The following RPL3 variants were observed in gnomAD, a reference collection of about 807,000 sequenced individuals.
RPL3 encodes large ribosomal subunit protein uL3.
A neutral mutation model predicts 46.0 loss-of-function variants in RPL3; 3 were observed. The ratio of observed to expected loss-of-function variants is 0.07; its 90% CI spans 0.03 to 0.17. The LOEUF (loss-of-function observed/expected upper bound fraction) is 0.17. Ranked by LOEUF, RPL3 falls within the 10% of genes least tolerant of loss-of-function variation. RPL3 has a pLI of 1.00. For synonymous variants in RPL3, 224 were observed against 190.8 expected (o/e 1.17, Z -1.43); for missense variants, 387 against 532.7 (o/e 0.73, Z 2.69).
intron 2 of RPL3, 86 bp downstream of exon 2, chr22:39,318,314 C>A: frequency 6.9e-7 from 1 of 1,444,632 alleles, no homozygotes; most frequent in South Asian, 1.3e-5. Context: ...AAAAAGTCTG[C>A]CCTCTGCTAA....
At chr22:39,319,444 AG>A (rs1203575446) in intron 1 of RPL3, 150 bp downstream of exon 1, 2 of 1,111,158 alleles carry the variant, frequency 1.8e-6, no homozygotes, top group East Asian at 2.6e-5. Flanking sequence ...TCGACTTTCC[AG>A]AAAATAGGCC....
rs1430000465 is a variant in RPL3, at chr22:39,312,916, C to T, written c.*24G>A. On this transcript the variant is annotated 3_prime_UTR_variant, in exon 10 of 10. Transcript: ENST00000216146. ...AAAATAACTTTTATTGAGACCCCAC[C>T]AACTGCAAAATCTGTTCCTGGCATT... is the stretch of plus-strand genomic sequence containing the variant. The T allele has an allele frequency of 1.2e-6, 2 of 1,613,956 alleles. No homozygotes were observed. The highest frequency in any genetic ancestry group is 2.2e-5 in the South Asian group (2 of 91,074).
At chr22:39,318,743 G>C in intron 1 of RPL3, 151 bp from the exon 2 acceptor site, 1 of 649,634 alleles carries the variant, frequency 1.5e-6, no homozygotes, top group South Asian at 2.0e-5. Flanking sequence ...ATCTCTTCCA[G>C]GCTCGCACGT....
Position 39,316,985 on chromosome 22 carries a change from A to C in RPL3, c.366-144T>G, listed in dbSNP as rs191514310. The C allele has an allele frequency of 4.0e-6, 5 of 1,261,466 alleles. No homozygotes were observed. The Admixed American group carries it at 9.3e-5, about 23-fold the overall frequency. 78.1% of individuals were successfully genotyped at this position (1,261,466 alleles called of 1,614,324 possible). A position where few individuals can be genotyped will look rare whatever the true frequency, so the allele number is the denominator to read the frequency against. On this transcript the variant is annotated intron_variant, in intron 3 of 9. Transcript: ENST00000216146. ...AGGAGCCTTTTCCACCAGCAAGCGG[A>C]GCCTGGATGGAGCTCATCGGGCAGA...
Position 39,318,602 on chromosome 22 carries a change from A to G in RPL3, c.4-10T>C. Reference sequence around the variant, plus strand: ...AGAACTTTCTGTGAGACTAGGTGGGAAAAAAATCACCGTCAGCACCCAAAC... The same window carrying G: ...AGAACTTTCTGTGAGACTAGGTGGGGAAAAAATCACCGTCAGCACCCAAAC... On this transcript the variant is annotated splice_polypyrimidine_tract_variant and intron_variant, in intron 1 of 9. Transcript: ENST00000216146. The G allele has an allele frequency of 1.9e-6, 3 of 1,597,066 alleles. No individual in the cohort carries two copies. Among genetic ancestry groups the G allele is most frequent in the South Asian group, 2.2e-5 (2 of 89,440 alleles).
chr22:39,314,040 G>A, intron 7 of RPL3, 67 bp downstream of exon 7: 1 of 1,341,102 alleles, frequency 7.5e-7, no homozygotes, highest in Non-Finnish European at 1.1e-6. Flanking sequence ...CAGCCCCTAG[G>A]AAGCAGCCTA....
At position 39,316,811 on chromosome 22, in the gene RPL3, C is replaced by T; in HGVS notation, c.396G>A (p.Lys132=). ...WHKSKKKAFT[K]YCKKWQDEDG... ...CCTCATCCTGCCATTTCTTGCAGTA[C>T]TTGGTAAAGGCCTTCTTCTTAGATT... is the stretch of plus-strand genomic sequence containing the variant. The change falls in exon 4 of 10, where the codon AAG becomes AAA. Residue 132 remains lysine, a synonymous_variant. Transcript: ENST00000216146. 6.2e-7 allele frequency: 1 copy of T among 1,614,088 alleles called. No homozygotes were observed. The highest frequency in any genetic ancestry group is 2.2e-5 in the East Asian group (1 of 44,886).
At chr22:39,317,041 GTTAAT>G in intron 3 of RPL3, 200 bp from the exon 4 acceptor site, 1 of 732,890 alleles carries the variant, frequency 1.4e-6, no homozygotes, top group Non-Finnish European at 2.3e-6. Flanking sequence ...GGTCCACAAG[GTTAAT>G]TTAAGTTACA....
At chr22:39,316,364 A>G in intron 4 of RPL3, among the ~76,000 whole-genome samples, 1 of 152,166 alleles carries the variant, frequency 6.6e-6, no homozygotes, top group East Asian at 1.9e-4. Context: ...ATGGGGTTGC[A>G]CTCAGCACTT....
chr22:39,315,221 C>G, intron 5 of RPL3, 148 bp downstream of exon 5: 2 of 1,178,320 alleles, frequency 1.7e-6, no homozygotes, highest in Non-Finnish European at 2.5e-6. Context: ...AGGCTGTTCT[C>G]AGAAGGAAGG....
chr22:39,315,316 A>T, intron 5 of RPL3, 53 bp downstream of exon 5: 1 of 1,611,960 alleles, frequency 6.2e-7, no homozygotes. Context: ...GCTGGGCCTG[A>T]AACCACTTCT....
At chr22:39,319,053 A>G (rs1391048731) in intron 1 of RPL3, 2 of 537,600 alleles carry the variant, frequency 3.7e-6, no homozygotes. Context: ...GCAGAGCCAA[A>G]TCAGAACGTG....
chr22:39,313,904 T>G (rs758925198), intron 7 of RPL3, 175 bp from the exon 8 acceptor site: 1 of 841,994 alleles, frequency 1.2e-6, no homozygotes, highest in South Asian at 1.3e-5. Context: ...GCCTCATCAC[T>G]GAACAGCTGA....
chr22:39,317,161 GC>G, intron 3 of RPL3: 1 of 578,830 alleles, frequency 1.7e-6, no homozygotes. Flanking sequence ...AGAGGCCCTT[GC>G]CACCCCTATA....
chr22:39,313,462 C>T lies in RPL3; in HGVS notation c.1048-152G>A, dbSNP rs912610120. The T allele has an allele frequency of 5.2e-6, 7 of 1,334,712 alleles. No homozygotes were observed. The African/African-American group carries it at 8.7e-5, about 17-fold the overall frequency. The allele number at this position is 1,334,712 out of a possible 1,614,324, so 82.7% of individuals were successfully genotyped here. ...AGGACACACTCAAAGCAGCAAACAG[C>T]CCAGCAAGGCCAGACTGGGAATTTC... On this transcript the variant is annotated intron_variant, in intron 8 of 9. Transcript: ENST00000216146.
intron 3 of RPL3, chr22:39,317,255 TG>T: frequency 1.6e-6 from 1 of 631,176 alleles, no homozygotes; most frequent in Non-Finnish European, 2.7e-6. Context: ...CCCACTAGCC[TG>T]GACTCAGAAT....
chr22:39,313,129 C>G, intron 9 of RPL3, 62 bp downstream of exon 9: 4 of 1,598,922 alleles, frequency 2.5e-6, no homozygotes, highest in Non-Finnish European at 3.4e-6. Flanking sequence ...CCGGCTGGAG[C>G]CAAAGGCAGG....
rs565234105 is a variant in RPL3, at chr22:39,314,751, C to T, written c.784G>A (p.Val262Ile). The T allele has an allele frequency of 1.9e-6, 3 of 1,613,694 alleles. No homozygotes were observed. The highest frequency in any genetic ancestry group is 2.2e-5 in the East Asian group (1 of 44,876). The change falls in exon 6 of 10, where the codon GTA (valine) becomes ATA (isoleucine). Residue 262 changes from valine to isoleucine, a missense_variant. By Grantham distance (29) the Val-to-Ile change is conservative. This residue lies in a region of RPL3 where 131 missense variants were observed against 185.1 expected (regional missense o/e 0.71). Transcript: ENST00000216146. ...CCAGCGCGTGCCACAGAGAAGGCTA[C>T]ACGAGCAGGATGCCATGCCCCAATA... ...ACIGAWHPARVAFSVARAGQK... is the reference protein window; with the variant it reads ...ACIGAWHPARIAFSVARAGQK...
chr22:39,314,389 G>A, intron 6 of RPL3, 181 bp from the exon 7 acceptor site: 5 of 646,688 alleles, frequency 7.7e-6, no homozygotes, highest in Non-Finnish European at 1.3e-5. Flanking sequence ...AAGGCGGCTG[G>A]GCTAAAACTA....
Sources: gnomAD v4.1 joint callset for allele counts (sites outside exome capture counted in the v4.1 genomes callset) on GRCh38, gnomAD v4.1.1 for gene constraint, gnomAD v4.1.1 regional missense constraint, MANE v1.5 for transcripts, NCBI Gene and HGNC (gene_info 2026-07-23, HGNC 2026-07-21) for gene names.